TMEM232: variants seen among roughly 807,000 people sequenced by gnomAD.
TMEM232 encodes the protein transmembrane protein 232.
TMEM232 carries 80 observed loss-of-function variants against 78.8 expected under a neutral mutation model. The ratio of observed to expected loss-of-function variants is 1.01; its 90% CI spans 0.85 to 1.22. The LOEUF (loss-of-function observed/expected upper bound fraction) is 1.22, where lower values mean the gene tolerates loss of function less well. Ranked by LOEUF, TMEM232 falls within the 50% of genes most tolerant of loss-of-function variation. TMEM232 has a pLI of 0.00. For synonymous variants in TMEM232, 297 were observed against 254.3 expected (o/e 1.17, Z -1.60); for missense variants, 881 against 742.2 (o/e 1.19, Z -2.17).
chr5:110,580,832 TAA>T (rs1303824149), intron 10 of TMEM232, among the ~76,000 whole-genome samples: 2 of 151,532 alleles, frequency 1.3e-5, no homozygotes, highest in Non-Finnish European at 3.0e-5. Flanking sequence ...GAAACTATGC[TAA>T]ATGTTTTTCA....
intron 12 of TMEM232, among the ~76,000 whole-genome samples, chr5:110,469,445 C>G (rs1762434045): frequency 6.6e-6 from 1 of 152,188 alleles, no homozygotes; most frequent in Admixed American, 6.5e-5. Flanking sequence ...CCTGCCTCCT[C>G]AGAGACCAAG....
intron 10 of TMEM232, among the ~76,000 whole-genome samples, chr5:110,583,682 A>C (rs537191988): frequency 6.6e-6 from 1 of 152,088 alleles, no homozygotes; most frequent in East Asian, 1.9e-4. Context: ...AGAAAAAATC[A>C]ACAGAGTAAA....
chr5:110,704,976 G>A (rs561916396), intron 1 of TMEM232, among the ~76,000 whole-genome samples: 2 of 152,042 alleles, frequency 1.3e-5, no homozygotes, highest in Non-Finnish European at 2.9e-5. Context: ...TAATGAAACT[G>A]GGATTCATAC....
chr5:110,491,660 C>T (rs941451908), intron 12 of TMEM232, among the ~76,000 whole-genome samples: 1 of 151,910 alleles, frequency 6.6e-6, no homozygotes, highest in African/African-American at 2.4e-5. Flanking sequence ...TATATTTCAT[C>T]TTTTTAGAAA....
intron 12 of TMEM232, among the ~76,000 whole-genome samples, chr5:110,492,926 G>T (rs886379875): frequency 6.6e-6 from 1 of 151,904 alleles, no homozygotes; most frequent in African/African-American, 2.4e-5. Context: ...AATGATGTAG[G>T]GGTTGGTGAG....
In TMEM232 at chr5:110,516,499, A is replaced by G. The variant is rs377105341; in HGVS notation, c.1703+12089T>C. 4.3e-4 allele frequency among the ~76,000 whole-genome samples: 66 copies of G among 152,272 alleles called. 1 individual carries two copies. In the South Asian group the frequency reaches 0.013, roughly 31 times the overall value. On this transcript the variant is annotated intron_variant, in intron 12 of 13. Coordinates refer to ENST00000455884, the MANE Select transcript of TMEM232 (RefSeq NM_001039763.4). ...AAACTTGAGATCGTTTTACTGACAA[A>G]TAGAGAAAAGAGAAATACTATGCTT...
At chr5:110,595,992 A>G (rs1780112643) in intron 10 of TMEM232, among the ~76,000 whole-genome samples, 1 of 152,186 alleles carries the variant, frequency 6.6e-6, no homozygotes, top group Non-Finnish European at 1.5e-5. Context: ...TCCAAGGATG[A>G]AATGAAGGAA....
chr5:110,527,420 A>G (rs1213519933), intron 12 of TMEM232, among the ~76,000 whole-genome samples: 1 of 151,956 alleles, frequency 6.6e-6, no homozygotes, highest in Non-Finnish European at 1.5e-5. Flanking sequence ...TCAAGTGAAA[A>G]ATAAATAATA....
At chr5:110,731,450 C>A (rs1470913545), upstream of TMEM232, among the ~76,000 whole-genome samples, 5 of 152,182 alleles carry the variant, frequency 3.3e-5, no homozygotes, top group Non-Finnish European at 2.9e-5. Flanking sequence ...CATGAGGGCC[C>A]CACCCCTGCA....
intron 12 of TMEM232, among the ~76,000 whole-genome samples, chr5:110,484,570 A>T (rs1460015965): frequency 6.6e-6 from 1 of 152,104 alleles, no homozygotes; most frequent in Non-Finnish European, 1.5e-5. Flanking sequence ...ACATGCTATT[A>T]ACGAGACACA....
chr5:110,639,700 C>G (rs1221778188), intron 4 of TMEM232, among the ~76,000 whole-genome samples: 1 of 152,226 alleles, frequency 6.6e-6, no homozygotes, highest in African/African-American at 2.4e-5. Context: ...TACCCCTAAT[C>G]AAATCACTAG....
intron 3 of TMEM232, among the ~76,000 whole-genome samples, chr5:110,396,334 A>T (rs1443941170): frequency 1.3e-5 from 2 of 152,164 alleles, no homozygotes; most frequent in Non-Finnish European, 2.9e-5. Flanking sequence ...TTGGGTGGGG[A>T]CACAAAACCA....
intron 12 of TMEM232, among the ~76,000 whole-genome samples, chr5:110,439,449 C>T (rs891596873): frequency 6.6e-6 from 1 of 151,980 alleles, no homozygotes; most frequent in African/African-American, 2.4e-5. Context: ...ACATCTACAG[C>T]CTGGGCAATT....
intron 8 of TMEM232, among the ~76,000 whole-genome samples, chr5:110,613,296 G>A (rs1362905095): frequency 6.6e-6 from 1 of 152,066 alleles, no homozygotes; most frequent in East Asian, 1.9e-4. Context: ...AAGTCATGCA[G>A]GGAGATACAT....
chr5:110,695,717 T>G (rs528649982), intron 1 of TMEM232, among the ~76,000 whole-genome samples: 53 of 152,164 alleles, frequency 3.5e-4, no homozygotes, highest in Non-Finnish European at 3.5e-4. Context: ...ATGGATAAAT[T>G]CCTCGACACA....
At chr5:110,561,923 A>G (rs1319953323) in intron 11 of TMEM232, among the ~76,000 whole-genome samples, 3 of 152,142 alleles carry the variant, frequency 2.0e-5, no homozygotes, top group African/African-American at 7.2e-5. Context: ...TATTTTTAAA[A>G]TATCTCCTTG....
intron 10 of TMEM232, among the ~76,000 whole-genome samples, chr5:110,569,600 C>T (rs907864882): frequency 2.0e-5 from 3 of 151,812 alleles, no homozygotes; most frequent in Non-Finnish European, 4.4e-5. Context: ...ACCCTGGTGA[C>T]AGTCCATTGA....
At chr5:110,438,331 AG>A (rs1435436576) in intron 12 of TMEM232, among the ~76,000 whole-genome samples, 1 of 151,556 alleles carries the variant, frequency 6.6e-6, no homozygotes, top group African/African-American at 2.4e-5. Context: ...AGAAATATAG[AG>A]GGGCAAAACC....
At chr5:110,668,891 C>A (rs138071899) in intron 1 of TMEM232, among the ~76,000 whole-genome samples, 1 of 152,062 alleles carries the variant, frequency 6.6e-6, no homozygotes. Flanking sequence ...GGGTACATAA[C>A]GAAATGAAGG....
Sources: gnomAD v4.1 joint callset for allele counts (sites outside exome capture counted in the v4.1 genomes callset) on GRCh38, gnomAD v4.1.1 for gene constraint, MANE v1.5 for transcripts, NCBI Gene and HGNC (gene_info 2026-07-23, HGNC 2026-07-21) for gene names.